The following SLC25A40 variants were observed in gnomAD, a reference collection of about 807,000 sequenced individuals.
SLC25A40 encodes solute carrier family 25 member 40.
In SLC25A40, 41 loss-of-function variants were observed where a neutral mutation model predicts 46.5. The ratio of observed to expected loss-of-function variants is 0.88; its 90% CI spans 0.69 to 1.14. SLC25A40 has a LOEUF of 1.14. Ranked by LOEUF, SLC25A40 falls within the 50% of genes most tolerant of loss-of-function variation. The pLI is 0.00. For missense variants in SLC25A40, 386 were observed against 393.6 expected (o/e 0.98, Z 0.16); for synonymous variants, 126 against 127.5 (o/e 0.99, Z 0.08).
intron 1 of SLC25A40, among the ~76,000 whole-genome samples, chr7:87,862,627 T>C (rs372488024): frequency 6.6e-6 from 1 of 152,208 alleles, no homozygotes; most frequent in African/African-American, 2.4e-5. Context: ...TCAAAACAAA[T>C]ATGTGTTAAA....
At chr7:87,868,504 C>T (rs893014123) in intron 1 of SLC25A40, among the ~76,000 whole-genome samples, 7 of 152,208 alleles carry the variant, frequency 4.6e-5, no homozygotes, top group Non-Finnish European at 8.8e-5. Context: ...GTCAGAAGTC[C>T]ATGCCTCCAG....
intron 9 of SLC25A40, among the ~76,000 whole-genome samples, chr7:87,843,306 C>T (rs1190052737): frequency 3.9e-5 from 6 of 152,042 alleles, no homozygotes; most frequent in African/African-American, 9.7e-5. Flanking sequence ...TTCCTTCCGA[C>T]TGTAATTTTT....
intron 6 of SLC25A40, 148 bp from the exon 7 acceptor site, chr7:87,848,125 TTTTC>T: frequency 2.2e-6 from 2 of 905,644 alleles, no homozygotes; most frequent in Non-Finnish European, 3.1e-6. Context: ...TGAGATCAAT[TTTTC>T]TTTTAGTTTA....
rs138166381 is a variant in SLC25A40 at position 87,854,273 on chromosome 7, A to G, written c.195T>C (p.His65=). Residue 65 remains histidine, a synonymous_variant, in exon 5 of 12, where the codon CAT becomes CAC. Coordinates refer to ENST00000341119, the MANE Select transcript of SLC25A40 (RefSeq NM_018843.4). ...CFVYSNGLMD[H]LCVCEEGGNK... is the part of the protein sequence containing the mutation. The stretch of plus-strand genomic sequence containing the variant: ...TGCCTCCCTCTTCACAGACACATAG[A>G]TGATCCATGAGTCCATTACTATATA... The G allele has an allele frequency of 9.5e-5, 154 of 1,613,164 alleles. No homozygotes were observed. Among genetic ancestry groups the G allele is most frequent in the Non-Finnish European group, 1.3e-4 (148 of 1,179,472 alleles).
intron 6 of SLC25A40, 128 bp downstream of exon 6, chr7:87,849,753 T>TA (rs1179177082): frequency 1.0e-4 from 67 of 662,564 alleles, no homozygotes; most frequent in Non-Finnish European, 1.2e-4. Context: ...CTGTGAGGCT[T>TA]AAAAAACAAT....
Position 87,836,246 on chromosome 7 carries a change from T to C in SLC25A40, c.*3A>G, listed in dbSNP as rs753649991. ...GTTGTTGTTTCAAGTTGAAACAGCA[T>C]CACTAGTATTGCTGCCTTCGAACAT... is the stretch of plus-strand genomic sequence containing the variant. On this transcript the variant is annotated 3_prime_UTR_variant, in exon 12 of 12. Coordinates refer to ENST00000341119, the MANE Select transcript of SLC25A40 (RefSeq NM_018843.4). 6.4e-7 allele frequency: 1 copy of C among 1,558,688 alleles called. No homozygotes were observed. Among genetic ancestry groups the C allele is most frequent in the South Asian group, 1.2e-5 (1 of 85,402 alleles).
intron 1 of SLC25A40, among the ~76,000 whole-genome samples, chr7:87,864,520 A>G (rs1323403516): frequency 6.6e-6 from 1 of 152,204 alleles, no homozygotes; most frequent in East Asian, 1.9e-4. Flanking sequence ...TTAAATATTT[A>G]TAATTGTTAT....
At chr7:87,867,724 G>T (rs1303418729) in intron 1 of SLC25A40, among the ~76,000 whole-genome samples, 2 of 152,134 alleles carry the variant, frequency 1.3e-5, no homozygotes, top group African/African-American at 4.8e-5. Flanking sequence ...GGTGTTTACT[G>T]GGCATGTTTG....
rs547422533 is a variant in SLC25A40 at position 87,853,945 on chromosome 7, T to C, written c.264+259A>G. ...CCACTGGGGGAAACTAAGAAAAGGGTACATGAAATCTGTCTGTATATATTT... is the reference window on the plus strand; with the variant it reads ...CCACTGGGGGAAACTAAGAAAAGGGCACATGAAATCTGTCTGTATATATTT... On this transcript the variant is annotated intron_variant, in intron 5 of 11. Transcript: ENST00000341119. Among the ~76,000 whole-genome samples, 5 of 152,258 alleles carry C rather than the reference T, an allele frequency of 3.3e-5. No homozygotes were observed. In the South Asian group the frequency reaches 1.0e-3, roughly 32 times the overall value.
intron 6 of SLC25A40, among the ~76,000 whole-genome samples, chr7:87,848,521 T>C (rs766238491): frequency 6.6e-6 from 1 of 152,198 alleles, no homozygotes; most frequent in African/African-American, 2.4e-5. Flanking sequence ...ATAATTACCA[T>C]AACATCAGAA....
chr7:87,873,027 A>G (rs942062521), intron 1 of SLC25A40, among the ~76,000 whole-genome samples: 8 of 152,196 alleles, frequency 5.3e-5, no homozygotes, highest in African/African-American at 1.9e-4. Flanking sequence ...AAGCCCTCCA[A>G]TTCACCAGGA....
intron 1 of SLC25A40, among the ~76,000 whole-genome samples, chr7:87,875,272 C>T (rs551408168): frequency 6.6e-6 from 1 of 152,236 alleles, no homozygotes; most frequent in Admixed American, 6.5e-5. Context: ...AAGCATAGTT[C>T]CATGACTGTC....
At position 87,835,734 on chromosome 7, in the gene SLC25A40, T is replaced by G. The variant is rs1838249746; in HGVS notation, c.*515A>C. On this transcript the variant is annotated 3_prime_UTR_variant, in exon 12 of 12. Coordinates refer to ENST00000341119, the MANE Select transcript of SLC25A40 (RefSeq NM_018843.4). ...GGGGAAGGAGAGGGAGGCGGGAACC[T>G]AATGCATTTGAATTAAAGGAAACAG... 1 of 151,866 alleles carries G rather than the reference T, an allele frequency of 6.6e-6. No individual in the cohort carries two copies. The highest frequency in any genetic ancestry group is 1.5e-5 in the Non-Finnish European group (1 of 67,886). 9.4% of individuals were successfully genotyped at this position (151,866 alleles called of 1,614,324 possible). A position where few individuals can be genotyped will look rare whatever the true frequency, so the allele number is the denominator to read the frequency against.
intron 1 of SLC25A40, among the ~76,000 whole-genome samples, chr7:87,862,955 A>G (rs548624131): frequency 2.4e-4 from 37 of 152,112 alleles, no homozygotes; most frequent in Non-Finnish European, 4.7e-4. Flanking sequence ...CTCTCCCACA[A>G]TATGTGGGGA....
chr7:87,840,309 C>A (rs1838312586), intron 10 of SLC25A40, among the ~76,000 whole-genome samples: 2 of 151,678 alleles, frequency 1.3e-5, no homozygotes, highest in Admixed American at 1.3e-4. Context: ...AGCTAGAGTT[C>A]CACCTCAGAT....
intron 7 of SLC25A40, 28 bp downstream of exon 7, chr7:87,847,825 A>C (rs1193600959): frequency 1.3e-6 from 2 of 1,585,424 alleles, no homozygotes; most frequent in African/African-American, 2.7e-5. Context: ...AACAGAAATC[A>C]AAATGAAAAT....
chr7:87,856,524 A>G, intron 3 of SLC25A40, 173 bp from the exon 4 acceptor site: 2 of 670,574 alleles, frequency 3.0e-6, no homozygotes, highest in Non-Finnish European at 5.4e-6. Flanking sequence ...TTGCCCTTAA[A>G]TTTTGTTAAT....
chr7:87,856,404 G>T lies in SLC25A40; in HGVS notation c.98-53C>A, dbSNP rs757582923. ...GCGAGTGGTATCTGTAAATTGGATA[G>T]ATGTTTTACACAGAACACAAAATAC... On this transcript the variant is annotated intron_variant, in intron 3 of 11. Transcript: ENST00000341119. 6.1e-6 allele frequency: 8 copies of T among 1,307,888 alleles called. 1 individual carries two copies. The African/African-American group carries it at 8.7e-5, about 14-fold the overall frequency. 81.0% of individuals were successfully genotyped at this position (1,307,888 alleles called of 1,614,324 possible).
intron 1 of SLC25A40, among the ~76,000 whole-genome samples, chr7:87,866,558 T>C (rs1838801942): frequency 6.6e-6 from 1 of 152,252 alleles, no homozygotes; most frequent in Non-Finnish European, 1.5e-5. Context: ...TTCCCCTGCA[T>C]GAGACATTCA....
Sources: allele counts gnomAD v4.1 joint callset (sites outside exome capture counted in the v4.1 genomes callset), GRCh38; gene constraint gnomAD v4.1.1; transcripts MANE v1.5; gene names NCBI Gene and HGNC (gene_info 2026-07-23, HGNC 2026-07-21).